The following DNAH11 variants were observed in gnomAD, a reference collection of about 807,000 sequenced individuals.
DNAH11 encodes axonemal beta dynein heavy chain 11.
Under a neutral mutation model 526.0 loss-of-function variants are expected in DNAH11, and 442 were observed. The observed-to-expected ratio is 0.84, with a 90% CI of 0.78 to 0.91. The LOEUF (loss-of-function observed/expected upper bound fraction) is 0.91, where lower values mean the gene tolerates loss of function less well. Ranked by LOEUF, DNAH11 falls within the 40% of genes least tolerant of loss-of-function variation. The pLI is 0.00. For missense variants in DNAH11, 6,989 were observed against 5,448.7 expected, an observed-to-expected ratio of 1.28 and a Z score of -8.90; for synonymous variants, 2,461 against 1,935.9, an observed-to-expected ratio of 1.27 and a Z score of -7.12.
At chr7:21,573,063 T>C (rs1783956171) in intron 8 of DNAH11, among the ~76,000 whole-genome samples, 1 of 152,164 alleles carries the variant, frequency 6.6e-6, no homozygotes, top group Admixed American at 6.6e-5. Context: ...ACATTTGGAT[T>C]GCAAGAGAGT....
intron 49 of DNAH11, among the ~76,000 whole-genome samples, chr7:21,743,618 G>A (rs1032472541): frequency 2.6e-5 from 4 of 152,184 alleles, no homozygotes; most frequent in African/African-American, 9.7e-5. Context: ...GCATTAGGCA[G>A]TAGCTTCTTA....
At chr7:21,885,380 T>G (rs1008412849) in intron 76 of DNAH11, among the ~76,000 whole-genome samples, 2 of 151,098 alleles carry the variant, frequency 1.3e-5, no homozygotes, top group African/African-American at 4.8e-5. Flanking sequence ...CAAATACATG[T>G]TCTCACACAC....
chr7:21,737,110 G>C (rs1338880700), intron 46 of DNAH11, among the ~76,000 whole-genome samples: 1 of 152,184 alleles, frequency 6.6e-6, no homozygotes, highest in Non-Finnish European at 1.5e-5. Context: ...CTTGTAAAGA[G>C]AATTATGATT....
At chr7:21,775,897 G>A (rs1430816907) in intron 56 of DNAH11, among the ~76,000 whole-genome samples, 2 of 152,130 alleles carry the variant, frequency 1.3e-5, no homozygotes, top group African/African-American at 4.8e-5. Flanking sequence ...TGATAGTATT[G>A]TCACCCAAAC....
chr7:21,558,504 T>A (rs563561392), intron 2 of DNAH11, among the ~76,000 whole-genome samples: 1 of 152,322 alleles, frequency 6.6e-6, no homozygotes, highest in South Asian at 2.1e-4. Flanking sequence ...ATGAGGGCAG[T>A]TTACCTACTT....
At chr7:21,740,054 G>T (rs1443985300) in intron 48 of DNAH11, among the ~76,000 whole-genome samples, 1 of 152,004 alleles carries the variant, frequency 6.6e-6, no homozygotes, top group African/African-American at 2.4e-5. Context: ...TACGTTCCAG[G>T]GGCTTTTGAC....
At chr7:21,655,749 A>G in intron 28 of DNAH11, 83 bp from the exon 29 acceptor site, 1 of 1,367,510 alleles carries the variant, frequency 7.3e-7, no homozygotes, top group East Asian at 2.5e-5. Context: ...ACGTTTCATG[A>G]CTTCATATGG....
intron 6 of DNAH11, among the ~76,000 whole-genome samples, chr7:21,568,605 C>G (rs1166766022): frequency 6.6e-6 from 1 of 152,164 alleles, no homozygotes; most frequent in African/African-American, 2.4e-5. Flanking sequence ...AGGCCTTACT[C>G]AACAGTGGGC....
At chr7:21,845,187 C>T (rs887491964) in intron 66 of DNAH11, among the ~76,000 whole-genome samples, 5 of 152,088 alleles carry the variant, frequency 3.3e-5, no homozygotes, top group African/African-American at 9.7e-5. Context: ...TTTTCACTTT[C>T]TTGTTGGTGT....
chr7:21,854,363 T>C lies in DNAH11; in HGVS notation c.11110T>C (p.Cys3704Arg), dbSNP rs760659930. The change falls in exon 68 of 82, where the codon TGT (cysteine) becomes CGT (arginine). Residue 3704 changes from cysteine (C) to arginine (R), a missense_variant. By Grantham distance (180) the Cys-to-Arg change is radical. Transcript: ENST00000409508. Reference protein sequence around the residue: ...NERKINEARECYRPVAARASL... With the variant: ...NERKINEARERYRPVAARASL... ...AAGAAAAATCAACGAGGCCCGAGAA[T>C]GTTACAGACCAGTGGCAGCAAGAGC... The C allele has an allele frequency of 7.8e-5, 126 of 1,613,694 alleles. No homozygotes were observed. The highest frequency in any genetic ancestry group is 1.1e-4 in the Non-Finnish European group (124 of 1,179,840).
intron 34 of DNAH11, 24 bp downstream of exon 34, chr7:21,687,551 T>C (rs371843030): frequency 6.2e-7 from 1 of 1,607,982 alleles, no homozygotes. Flanking sequence ...AGGCTATCTC[T>C]TGTTACAAAT....
intron 63 of DNAH11, 107 bp downstream of exon 63, chr7:21,808,156 T>C: frequency 1.2e-6 from 1 of 830,616 alleles, no homozygotes; most frequent in Non-Finnish European, 1.7e-6. Flanking sequence ...TAATGAGAAC[T>C]GACCAGAAAT....
chr7:21,621,053 G>A (rs1786029417), intron 25 of DNAH11, among the ~76,000 whole-genome samples: 1 of 152,042 alleles, frequency 6.6e-6, no homozygotes, highest in Non-Finnish European at 1.5e-5. Context: ...ATAGCAGCAT[G>A]ATTTATAATC....
chr7:21,601,687 T>G, intron 18 of DNAH11, 69 bp downstream of exon 18: 2 of 1,182,112 alleles, frequency 1.7e-6, no homozygotes, highest in South Asian at 3.5e-5. Context: ...GTACTTTACA[T>G]GTACTCTCTT....
intron 6 of DNAH11, 112 bp from the exon 7 acceptor site, chr7:21,569,957 T>G (rs1436089289): frequency 1.2e-6 from 1 of 831,696 alleles, no homozygotes; most frequent in East Asian, 2.8e-5. Context: ...TCAGCATTGC[T>G]GGCCCAACTT....
In DNAH11 at chr7:21,690,875, T is replaced by C. The variant is rs762672303; in HGVS notation, c.6035T>C (p.Leu2012Pro). The C allele has an allele frequency of 6.2e-7, 1 of 1,611,178 alleles. No homozygotes were observed. Among genetic ancestry groups the C allele is most frequent in the Non-Finnish European group, 8.5e-7 (1 of 1,178,040 alleles). ...GAATTACCGGAAAATCTCAAAGCTC[T>C]TTTCAGGCAAGTGTTATGCTTTGTG... ...RTELPENLKA[L>P]FRPCAMVAPD... The change falls in exon 35 of 82, where the codon CTT (leucine) becomes CCT (proline). Residue 2012 changes from leucine (L) to proline (P), a missense_variant. By Grantham distance (98) the Leu-to-Pro change is moderately conservative (BLOSUM62 -3). Transcript: ENST00000409508.
At chr7:21,900,975 A>ACACAATTGCAACCGCTGTGTTTTTGC (rs758620357) in intron 81 of DNAH11, 32 bp from the exon 82 acceptor site, 9 of 1,538,904 alleles carry the variant, frequency 5.8e-6, no homozygotes, top group Admixed American at 2.1e-5. Context: ...GCAAGCTGCC[A>ACACAATTGCAACCGCTGTGTTTTTGC]CACAATTGCA....
chr7:21,717,503 C>G (rs1351481527), intron 42 of DNAH11, among the ~76,000 whole-genome samples: 1 of 152,060 alleles, frequency 6.6e-6, no homozygotes, highest in African/African-American at 2.4e-5. Flanking sequence ...CATAAATGCT[C>G]GGTAATGGTC....
At chr7:21,811,472 A>G (rs1270041676) in intron 63 of DNAH11, among the ~76,000 whole-genome samples, 2 of 150,402 alleles carry the variant, frequency 1.3e-5, no homozygotes, top group Non-Finnish European at 3.0e-5. Context: ...AAAAAAATTA[A>G]GCCAAAAGGA....
Sources: allele counts gnomAD v4.1 joint callset (sites outside exome capture counted in the v4.1 genomes callset), GRCh38; gene constraint gnomAD v4.1.1; transcripts MANE v1.5; gene names NCBI Gene and HGNC (gene_info 2026-07-23, HGNC 2026-07-21).